ZNF33A: variants seen among roughly 807,000 people sequenced by gnomAD.
ZNF33A encodes the protein zinc finger protein 33A, also known as brain my041 protein.
In ZNF33A, 9 loss-of-function variants were observed where a neutral mutation model predicts 15.9. That is an observed-to-expected ratio of 0.57 (90% CI 0.34 to 0.99). The LOEUF is 0.99. ZNF33A is among the 50% of genes least tolerant of loss of function. ZNF33A has a pLI of 0.02. For synonymous variants in ZNF33A, 294 were observed against 324.2 expected (o/e 0.91, Z 1.00); for missense variants, 843 against 941.6 (o/e 0.90, Z 1.37).
At chr10:38,011,229 T>G (rs1054626901) in intron 1 of ZNF33A, among the ~76,000 whole-genome samples, 2 of 152,216 alleles carry the variant, frequency 1.3e-5, no homozygotes, top group Non-Finnish European at 2.9e-5. Flanking sequence ...CATCACTGCA[T>G]CTTGGTATTT....
Position 38,056,196 on chromosome 10 carries a change from A to C in ZNF33A, c.2072A>C (p.Lys691Thr). The change falls in exon 5 of 5, where the codon AAA becomes ACA. Residue 691 changes from lysine to threonine, a missense_variant. Coordinates refer to ENST00000432900, the MANE Select transcript of ZNF33A (RefSeq NM_006954.2). ...IFHERKHTGE[K>T]PYECNECGKF... ...CATGAGAGAAAGCACACGGGGGAGA[A>C]ACCCTATGAATGCAATGAATGTGGG... The C allele has an allele frequency of 1.2e-6, 2 of 1,614,182 alleles. No homozygotes were observed. Among genetic ancestry groups the C allele is most frequent in the Non-Finnish European group, 1.7e-6 (2 of 1,180,002 alleles).
At chr10:38,034,915 A>G (rs2065373743) in intron 4 of ZNF33A, among the ~76,000 whole-genome samples, 1 of 152,108 alleles carries the variant, frequency 6.6e-6, no homozygotes, top group Non-Finnish European at 1.5e-5. Context: ...ACGTGTATAA[A>G]CCATGTAATA....
rs2066610500 is a variant in ZNF33A at position 38,059,385 on chromosome 10, A to G, written c.*2825A>G. 1 of 152,242 alleles carries G rather than the reference A, an allele frequency of 6.6e-6. No individual in the cohort carries two copies. The highest frequency in any genetic ancestry group is 2.4e-5 in the African/African-American group (1 of 41,466). The allele number at this position is 152,242 out of a possible 1,614,324, so 9.4% of individuals were successfully genotyped here. A position where few individuals can be genotyped will look rare whatever the true frequency, so the allele number is the denominator to read the frequency against. The stretch of plus-strand genomic sequence containing the variant: ...CAGTGTTAAAAAAAAAAGAAATAAA[A>G]TGCACATAGATTTGAAAGGATGAAA... On this transcript the variant is annotated 3_prime_UTR_variant, in exon 5 of 5. Coordinates refer to ENST00000432900, the MANE Select transcript of ZNF33A (RefSeq NM_006954.2).
At chr10:38,010,958 C>G (rs1386147174) in intron 1 of ZNF33A, among the ~76,000 whole-genome samples, 175 bp downstream of exon 1, 1 of 152,182 alleles carries the variant, frequency 6.6e-6, no homozygotes, top group Non-Finnish European at 1.5e-5. Context: ...TCCTCAAAGG[C>G]GCGGCCTCTG....
chr10:38,035,660 G>T (rs1237640401), intron 4 of ZNF33A, among the ~76,000 whole-genome samples: 1 of 152,130 alleles, frequency 6.6e-6, no homozygotes, highest in Non-Finnish European at 1.5e-5. Flanking sequence ...GCAATTAGAT[G>T]TTTTGGTGCA....
chr10:38,037,302 A>G (rs1410488064), intron 4 of ZNF33A, among the ~76,000 whole-genome samples: 1 of 150,392 alleles, frequency 6.6e-6, no homozygotes, highest in Non-Finnish European at 1.5e-5. Context: ...TTGTCTCAGC[A>G]TCATTTCTTG....
At chr10:38,024,163 C>CAAAAAAAAAAAAAAAAAAAA (rs71007682) in intron 4 of ZNF33A, among the ~76,000 whole-genome samples, 9 of 93,170 alleles carry the variant, frequency 9.7e-5, no homozygotes, top group Non-Finnish European at 1.4e-4. Context: ...AAAAACAAAA[C>CAAAAAAAAAAAAAAAAAAAA]AAAAAAAAAA....
intron 4 of ZNF33A, among the ~76,000 whole-genome samples, chr10:38,036,092 T>C (rs1171810132): frequency 1.3e-5 from 2 of 152,160 alleles, no homozygotes; most frequent in African/African-American, 4.8e-5. Flanking sequence ...GAATGCAACA[T>C]TGTATGAAAA....
At chr10:38,061,437 T>C (rs2066652590), downstream of ZNF33A, among the ~76,000 whole-genome samples, 1 of 152,042 alleles carries the variant, frequency 6.6e-6, no homozygotes, top group Non-Finnish European at 1.5e-5. Flanking sequence ...TCTCTGTAAC[T>C]CTCCTGCCCT....
chr10:38,066,820 T>C (rs1255727317), downstream of ZNF33A, among the ~76,000 whole-genome samples: 1 of 151,996 alleles, frequency 6.6e-6, no homozygotes, highest in Non-Finnish European at 1.5e-5. Context: ...TAATCCCAGC[T>C]ACTCGGGAGG....
downstream of ZNF33A, among the ~76,000 whole-genome samples, chr10:38,065,804 G>A (rs756840678): frequency 2.0e-5 from 3 of 151,472 alleles, no homozygotes; most frequent in Admixed American, 6.6e-5. Flanking sequence ...TCCGCCAACC[G>A]GGTTCAAGCA....
At chr10:38,053,652 A>T (rs866977983) in intron 4 of ZNF33A, among the ~76,000 whole-genome samples, 2 of 151,954 alleles carry the variant, frequency 1.3e-5, no homozygotes, top group African/African-American at 4.8e-5. Flanking sequence ...TTCTGTGATT[A>T]CTCTGCCCTC....
At chr10:38,015,271 T>C (rs995523930) in intron 2 of ZNF33A, among the ~76,000 whole-genome samples, 11 of 152,126 alleles carry the variant, frequency 7.2e-5, no homozygotes, top group African/African-American at 2.7e-4. Context: ...ATAAATGTCT[T>C]TGTAGTCCTT....
intron 4 of ZNF33A, among the ~76,000 whole-genome samples, chr10:38,052,297 A>G (rs1414378301): frequency 6.6e-6 from 1 of 152,180 alleles, no homozygotes; most frequent in African/African-American, 2.4e-5. Context: ...AATATGTAAA[A>G]ATGAATTTTA....
chr10:38,018,921 G>C (rs1466644002), intron 4 of ZNF33A, among the ~76,000 whole-genome samples: 1 of 151,172 alleles, frequency 6.6e-6, no homozygotes. Flanking sequence ...TTAAATTTTT[G>C]AAAACCAAAG....
rs2066467427 is a variant in ZNF33A at position 38,056,106 on chromosome 10, A to C, written c.1982A>C (p.Gln661Pro). The change falls in exon 5 of 5, where the codon CAA becomes CCA. Residue 661 changes from glutamine (Q) to proline (P), a missense_variant. Physicochemically the swap from Gln to Pro is moderately conservative, Grantham distance 76 (BLOSUM62 -1). Coordinates refer to ENST00000432900, the MANE Select transcript of ZNF33A (RefSeq NM_006954.2). The part of the protein sequence containing the change: ...ALIVHQRTHT[Q>P]EKPYKCNECG... ...ATTGTACATCAGAGAACCCATACAC[A>C]AGAAAAGCCCTATAAATGTAATGAA... The C allele has an allele frequency of 6.2e-7, 1 of 1,614,024 alleles. No individual in the cohort carries two copies. The highest frequency in any genetic ancestry group is 8.5e-7 in the Non-Finnish European group (1 of 1,179,982).
chr10:38,024,205 AGAAT>A (rs1019976785), intron 4 of ZNF33A, among the ~76,000 whole-genome samples: 28 of 151,832 alleles, frequency 1.8e-4, no homozygotes, highest in African/African-American at 6.8e-4. Flanking sequence ...CCTCCCAGAA[AGAAT>A]GAATGATTTC....
At chr10:38,019,268 G>A (rs926866077) in intron 4 of ZNF33A, among the ~76,000 whole-genome samples, 2 of 151,870 alleles carry the variant, frequency 1.3e-5, no homozygotes, top group African/African-American at 4.8e-5. Flanking sequence ...AGTTTGCTGA[G>A]AATGATGGTT....
rs2066548575 is a variant in ZNF33A, at chr10:38,057,850, G to T, written c.*1290G>T. 1.0e-6 allele frequency: 1 copy of T among 985,382 alleles called. No individual in the cohort carries two copies. 61.0% of individuals were successfully genotyped at this position (985,382 alleles called of 1,614,324 possible). On this transcript the variant is annotated 3_prime_UTR_variant, in exon 5 of 5. Transcript: ENST00000432900. ...AGGCCCACACATACAGCCCAGGGCT[G>T]CCCAGGGCTGTTGGACTGTCATTTC...
Sources: allele counts gnomAD v4.1 joint callset (sites outside exome capture counted in the v4.1 genomes callset), GRCh38; gene constraint gnomAD v4.1.1; transcripts MANE v1.5; gene names NCBI Gene and HGNC (gene_info 2026-07-23, HGNC 2026-07-21).